COL25A1: variants seen among roughly 807,000 people sequenced by gnomAD.
The protein encoded by COL25A1 is collagen alpha-1(XXV) chain.
In COL25A1, 103 loss-of-function variants were observed where a neutral mutation model predicts 128.4. That is an observed-to-expected ratio of 0.80 (90% confidence interval 0.68 to 0.94). COL25A1 has a LOEUF of 0.94. Among genes scored for constraint, COL25A1 ranks in the 40% least tolerant of loss-of-function variants. COL25A1 has a pLI of 0.00. For synonymous variants in COL25A1, 279 were observed against 277.2 expected, an observed-to-expected ratio of 1.01 and a Z score of -0.06; for missense variants, 745 against 840.0, an observed-to-expected ratio of 0.89 and a Z score of 1.40.
At chr4:109,142,921 A>T (rs1770563314) in intron 3 of COL25A1, among the ~76,000 whole-genome samples, 1 of 152,156 alleles carries the variant, frequency 6.6e-6, no homozygotes, top group South Asian at 2.1e-4. Context: ...TAAAGTTAAT[A>T]TTGTTATATG....
At chr4:108,927,338 G>A (rs72668382) in intron 11 of COL25A1, among the ~76,000 whole-genome samples, 15,852 of 151,814 alleles carry the variant, frequency 0.1, 1,009 homozygotes, top group Non-Finnish European at 0.15. Context: ...ATTTCACATC[G>A]TCAGCACCTA....
At chr4:108,933,867 C>T (rs1747071185) in intron 11 of COL25A1, among the ~76,000 whole-genome samples, 1 of 151,720 alleles carries the variant, frequency 6.6e-6, no homozygotes, top group Non-Finnish European at 1.5e-5. Context: ...CACACACACA[C>T]ACACACACAC....
At chr4:109,079,208 G>C (rs558032666) in intron 3 of COL25A1, among the ~76,000 whole-genome samples, 2 of 152,260 alleles carry the variant, frequency 1.3e-5, no homozygotes, top group African/African-American at 4.8e-5. Context: ...CAATCTTTTA[G>C]GTGAATTTTT....
At chr4:109,259,543 C>T (rs549648119) in intron 3 of COL25A1, among the ~76,000 whole-genome samples, 15 of 152,184 alleles carry the variant, frequency 9.9e-5, no homozygotes, top group African/African-American at 3.6e-4. Context: ...ATATATAAAG[C>T]CCAAAGGCAA....
intron 31 of COL25A1, 91 bp downstream of exon 31, chr4:108,841,600 CAAAT>C (rs1419866155): frequency 2.0e-6 from 2 of 1,016,316 alleles, no homozygotes; most frequent in South Asian, 2.9e-5. Flanking sequence ...CATTACTTGA[CAAAT>C]AAATAAGATA....
intron 3 of COL25A1, among the ~76,000 whole-genome samples, chr4:109,052,402 A>G (rs1292695117): frequency 6.6e-6 from 1 of 152,190 alleles, no homozygotes; most frequent in Non-Finnish European, 1.5e-5. Flanking sequence ...GCACTTGGCA[A>G]GACAGACATC....
chr4:109,030,297 C>G (rs947512565), intron 5 of COL25A1, among the ~76,000 whole-genome samples: 1 of 152,172 alleles, frequency 6.6e-6, no homozygotes, highest in Non-Finnish European at 1.5e-5. Flanking sequence ...ATCCCCACAC[C>G]TGAACTATGG....
At chr4:109,073,380 T>C (rs1391338161) in intron 3 of COL25A1, among the ~76,000 whole-genome samples, 2 of 152,204 alleles carry the variant, frequency 1.3e-5, no homozygotes, top group Non-Finnish European at 2.9e-5. Context: ...ACAGATCCAT[T>C]AGACCAGAGA....
chr4:108,886,442 T>TTG (rs375825376), intron 18 of COL25A1, among the ~76,000 whole-genome samples: 1,831 of 81,360 alleles, frequency 0.023, 47 homozygotes, highest in African/African-American at 0.049. Context: ...CTATGAGATT[T>TTG]TGTGTGTGTG....
intron 5 of COL25A1, among the ~76,000 whole-genome samples, chr4:109,039,920 A>G (rs1036473209): frequency 2.6e-5 from 4 of 152,204 alleles, no homozygotes; most frequent in Admixed American, 2.6e-4. Flanking sequence ...AAGCAGAAGT[A>G]AGAACTAGAG....
At chr4:108,939,395 T>C (rs1305728205) in intron 10 of COL25A1, among the ~76,000 whole-genome samples, 1 of 152,194 alleles carries the variant, frequency 6.6e-6, no homozygotes, top group Non-Finnish European at 1.5e-5. Flanking sequence ...TCATTTTATA[T>C]CAGCAAATTC....
At chr4:108,815,815 C>A (rs193142366) in intron 37 of COL25A1, among the ~76,000 whole-genome samples, 2 of 152,080 alleles carry the variant, frequency 1.3e-5, no homozygotes, top group East Asian at 3.9e-4. Flanking sequence ...AAAAAGGCAG[C>A]GATTCAGATT....
In COL25A1 at chr4:109,151,129, A is replaced by T. The variant is rs35928994; in HGVS notation, c.368-100950T>A. On this transcript the variant is annotated intron_variant, in intron 3 of 37. Transcript: ENST00000399132. Reference sequence around the variant, plus strand: ...TTTATCACTTAGTAAAAAACAGTATATACATTGTGAATATATAAAATGCAC... The same window carrying T: ...TTTATCACTTAGTAAAAAACAGTATTTACATTGTGAATATATAAAATGCAC... Among the ~76,000 whole-genome samples, 720 of 152,292 alleles carry T rather than the reference A, an allele frequency of 4.7e-3. 4 individuals carry two copies. The highest frequency in any genetic ancestry group is 8.6e-3 in the Non-Finnish European group (584 of 67,976).
chr4:108,859,316 A>G (rs1346350199), intron 24 of COL25A1, among the ~76,000 whole-genome samples: 1 of 152,228 alleles, frequency 6.6e-6, no homozygotes, highest in Admixed American at 6.5e-5. Flanking sequence ...AAGCAGCTCC[A>G]GCCCCAGAGG....
At position 108,916,845 on chromosome 4, in the gene COL25A1, G is replaced by A. The variant is rs574018936; in HGVS notation, c.780+1327C>T. On this transcript the variant is annotated intron_variant, in intron 13 of 37. Coordinates refer to ENST00000399132, the MANE Select transcript of COL25A1 (RefSeq NM_198721.4). ...GCGACATGGGCGGTTAACTGCTGGCGAGTGTGCGGTGTTTGGTTTATGGAC... is the reference window on the plus strand; with the variant it reads ...GCGACATGGGCGGTTAACTGCTGGCAAGTGTGCGGTGTTTGGTTTATGGAC... Among the ~76,000 whole-genome samples, 6 of 152,238 alleles carry A rather than the reference G, an allele frequency of 3.9e-5. No individual in the cohort carries two copies. The East Asian group carries it at 1.2e-3, about 29-fold the overall frequency.
At chr4:109,162,439 A>G (rs936157033) in intron 3 of COL25A1, among the ~76,000 whole-genome samples, 7 of 152,318 alleles carry the variant, frequency 4.6e-5, no homozygotes, top group South Asian at 4.1e-4. Flanking sequence ...GCCAGGCTGT[A>G]TAGATTCTCA....
intron 3 of COL25A1, among the ~76,000 whole-genome samples, chr4:109,056,388 C>T (rs539634695): frequency 2.5e-3 from 382 of 152,128 alleles, no homozygotes; most frequent in African/African-American, 9.0e-3. Context: ...TTACAATATA[C>T]TGTTCCCCTA....
intron 3 of COL25A1, among the ~76,000 whole-genome samples, chr4:109,074,434 G>A (rs2125986488): frequency 6.6e-6 from 1 of 152,178 alleles, no homozygotes; most frequent in East Asian, 1.9e-4. Context: ...TTGCTTTGAA[G>A]AAAGAATAAG....
chr4:109,124,217 A>G (rs1446849005), intron 3 of COL25A1, among the ~76,000 whole-genome samples: 12 of 152,006 alleles, frequency 7.9e-5, no homozygotes, highest in Non-Finnish European at 2.9e-5. Context: ...AATTTTATGC[A>G]GTAAGATGGT....
Sources: gnomAD v4.1 joint callset for allele counts (sites outside exome capture counted in the v4.1 genomes callset) on GRCh38, gnomAD v4.1.1 for gene constraint, MANE v1.5 for transcripts, NCBI Gene and HGNC (gene_info 2026-07-23, HGNC 2026-07-21) for gene names.